Variants in CDH18 observed in about 807,000 individuals in gnomAD.
CDH18 encodes cadherin 18.
A neutral mutation model predicts 67.9 loss-of-function variants in CDH18; 31 were observed. The ratio of observed to expected loss-of-function variants is 0.46; its 90% CI spans 0.34 to 0.62. The LOEUF (loss-of-function observed/expected upper bound fraction) is 0.62. Ranked by LOEUF, CDH18 falls within the 20% of genes least tolerant of loss-of-function variation. The pLI is 0.01. For synonymous variants in CDH18, 362 were observed against 347.2 expected, an observed-to-expected ratio of 1.04 and a Z score of -0.48; for missense variants, 890 against 975.5, an observed-to-expected ratio of 0.91 and a Z score of 1.17.
chr5:20,044,204 C>T (rs1332975362), intron 2 of CDH18, among the ~76,000 whole-genome samples: 1 of 151,818 alleles, frequency 6.6e-6, no homozygotes, highest in African/African-American at 2.4e-5. Flanking sequence ...CATTAAGTGC[C>T]TATTAAATGT....
chr5:19,997,338 T>C lies in CDH18; in HGVS notation c.-517-5324A>G, dbSNP rs145289759. ...CTGTACACTGTTATAGCACATATCA[T>C]ATTTATGATATGTTTTGATTGACTT... On this transcript the variant is annotated intron_variant, in intron 2 of 14. Coordinates refer to the CDH18 transcript ENST00000507958. Among the ~76,000 whole-genome samples, 254 of 152,260 alleles carry C rather than the reference T, an allele frequency of 1.7e-3. 2 individuals carry two copies. Among genetic ancestry groups the C allele is most frequent in the Non-Finnish European group, 2.5e-3 (170 of 67,974 alleles).
At chr5:19,815,301 G>A (rs959391447) in intron 3 of CDH18, among the ~76,000 whole-genome samples, 1 of 151,916 alleles carries the variant, frequency 6.6e-6, no homozygotes, top group Admixed American at 6.6e-5. Context: ...AGATTCAGAT[G>A]TCACGTTTTG....
intron 1 of CDH18, among the ~76,000 whole-genome samples, chr5:20,385,069 T>A (rs1744207436): frequency 6.6e-6 from 1 of 152,152 alleles, no homozygotes; most frequent in South Asian, 2.1e-4. Flanking sequence ...GCTCCTGACC[T>A]CAAGTAATCT....
intron 8 of CDH18, among the ~76,000 whole-genome samples, chr5:19,563,031 C>T (rs1054469791): frequency 1.2e-4 from 18 of 152,220 alleles, no homozygotes; most frequent in African/African-American, 4.3e-4. Context: ...TTAGCATCCC[C>T]TTTTCTAATG....
chr5:19,742,833 T>TA (rs576267161), intron 4 of CDH18, among the ~76,000 whole-genome samples: 14 of 152,264 alleles, frequency 9.2e-5, no homozygotes, highest in South Asian at 2.1e-4. Context: ...GAGTATATGA[T>TA]AAAAAAAGTA....
At chr5:19,867,654 A>G (rs1785710024) in intron 2 of CDH18, among the ~76,000 whole-genome samples, 1 of 3,770 alleles carries the variant, frequency 2.7e-4, no homozygotes, top group African/African-American at 7.9e-4. Context: ...ATATATATTT[A>G]TATATTTATA....
intron 10 of CDH18, among the ~76,000 whole-genome samples, chr5:19,516,440 G>A (rs1031276230): frequency 6.6e-6 from 1 of 152,114 alleles, no homozygotes; most frequent in Admixed American, 6.5e-5. Flanking sequence ...GCTCCTCTTT[G>A]TACCTCTGGT....
intron 5 of CDH18, among the ~76,000 whole-genome samples, chr5:19,714,611 T>C (rs978845901): frequency 2.6e-5 from 4 of 152,006 alleles, no homozygotes; most frequent in Admixed American, 1.3e-4. Context: ...TTTTGTCTGT[T>C]TGTCTGTTGT....
chr5:20,431,487 CAAAAAAA>C (rs560015111), intron 1 of CDH18, among the ~76,000 whole-genome samples: 1 of 66,246 alleles, frequency 1.5e-5, no homozygotes, highest in African/African-American at 5.8e-5. Context: ...GAGTGAAACT[CAAAAAAA>C]AAAAAAAAAA....
chr5:19,588,518 C>T (rs1003666316), intron 7 of CDH18, among the ~76,000 whole-genome samples: 2 of 152,104 alleles, frequency 1.3e-5, no homozygotes, highest in East Asian at 3.9e-4. Flanking sequence ...AACCAGCTAG[C>T]ATCATAATGA....
At chr5:20,482,887 C>T (rs912701321) in intron 1 of CDH18, among the ~76,000 whole-genome samples, 2 of 151,970 alleles carry the variant, frequency 1.3e-5, no homozygotes, top group African/African-American at 2.4e-5. Context: ...CCCATTTTCA[C>T]CACTGTTATT....
upstream of CDH18, among the ~76,000 whole-genome samples, chr5:19,992,739 G>A (rs1033419502): frequency 6.8e-6 from 1 of 146,526 alleles, no homozygotes; most frequent in African/African-American, 2.7e-5. Context: ...TTCCGGACAT[G>A]CAAGACTGGA....
At chr5:19,741,166 T>TC (rs1769078250) in intron 4 of CDH18, among the ~76,000 whole-genome samples, 1 of 146,578 alleles carries the variant, frequency 6.8e-6, no homozygotes, top group African/African-American at 2.5e-5. Context: ...GTCATCTATG[T>TC]ATATATGTAT....
At chr5:20,042,918 C>T (rs900680416) in intron 2 of CDH18, among the ~76,000 whole-genome samples, 45 of 151,718 alleles carry the variant, frequency 3.0e-4, no homozygotes, top group Non-Finnish European at 1.3e-4. Flanking sequence ...GCCAAGATCG[C>T]GCCACTGCAC....
chr5:19,637,875 G>GT (rs1179448885), intron 5 of CDH18, among the ~76,000 whole-genome samples: 1 of 152,104 alleles, frequency 6.6e-6, no homozygotes, highest in African/African-American at 2.4e-5. Context: ...CAATGCAATG[G>GT]TTTCTACATC....
At chr5:20,528,413 C>G (rs751658087) in intron 1 of CDH18, among the ~76,000 whole-genome samples, 27 of 152,022 alleles carry the variant, frequency 1.8e-4, no homozygotes, top group Non-Finnish European at 2.9e-4. Flanking sequence ...CTCATAGATA[C>G]CTACAGAACT....
chr5:20,458,438 T>C (rs886382368), intron 1 of CDH18, among the ~76,000 whole-genome samples: 2 of 152,112 alleles, frequency 1.3e-5, no homozygotes, highest in Non-Finnish European at 2.9e-5. Context: ...ACCAACATGG[T>C]GAGATCCTGT....
chr5:19,720,651 A>C (rs1765967576), intron 5 of CDH18, among the ~76,000 whole-genome samples: 1 of 152,202 alleles, frequency 6.6e-6, no homozygotes, highest in African/African-American at 2.4e-5. Context: ...ACAGGATATA[A>C]CTGATGTGAT....
At chr5:19,779,753 T>G (rs370242557) in intron 3 of CDH18, among the ~76,000 whole-genome samples, 3 of 152,102 alleles carry the variant, frequency 2.0e-5, no homozygotes, top group Admixed American at 6.6e-5. Flanking sequence ...TACAGACAAG[T>G]GTGTAGAAGA....
Sources: allele counts gnomAD v4.1 joint callset (sites outside exome capture counted in the v4.1 genomes callset), GRCh38; gene constraint gnomAD v4.1.1; transcripts MANE v1.5; gene names NCBI Gene and HGNC (gene_info 2026-07-23, HGNC 2026-07-21).